Variants in PAK2 observed in about 807,000 individuals in gnomAD.
PAK2 encodes serine/threonine-protein kinase PAK 2.
In PAK2, 21 loss-of-function variants were observed where a neutral mutation model predicts 65.9. That is an observed-to-expected ratio of 0.32 (90% CI 0.23 to 0.46). The LOEUF (loss-of-function observed/expected upper bound fraction) is 0.46, where lower values mean the gene tolerates loss of function less well. Ranked by LOEUF, PAK2 falls within the 20% of genes least tolerant of loss-of-function variation. PAK2 has a pLI of 1.00. For missense variants in PAK2, 324 were observed against 642.6 expected (o/e 0.50, Z 5.36); for synonymous variants, 204 against 219.7 (o/e 0.93, Z 0.63).
intron 1 of PAK2, 134 bp from the exon 2 acceptor site, chr3:196,782,492 C>G: frequency 3.6e-6 from 2 of 555,698 alleles, no homozygotes; most frequent in Non-Finnish European, 6.5e-6. Context: ...ATTGATTTTT[C>G]CAGATTTTGC....
intron 1 of PAK2, among the ~76,000 whole-genome samples, chr3:196,746,170 C>A (rs572646086): frequency 1.3e-5 from 2 of 151,696 alleles, no homozygotes; most frequent in Non-Finnish European, 2.9e-5. Context: ...AGTTCCAAGA[C>A]TTGGTTAAAC....
chr3:196,819,609 C>T (rs1376603407), intron 12 of PAK2, among the ~76,000 whole-genome samples: 1 of 152,064 alleles, frequency 6.6e-6, no homozygotes. Context: ...CAGTCTAAAG[C>T]TTACAAACCT....
At chr3:196,774,176 A>G (rs1005780924) in intron 1 of PAK2, among the ~76,000 whole-genome samples, 8 of 152,260 alleles carry the variant, frequency 5.3e-5, no homozygotes, top group African/African-American at 1.9e-4. Context: ...AAGGGTTTAT[A>G]GTTGTAATTC....
intron 5 of PAK2, among the ~76,000 whole-genome samples, chr3:196,805,933 T>C (rs1434292005): frequency 6.6e-6 from 1 of 151,398 alleles, no homozygotes; most frequent in African/African-American, 2.4e-5. Flanking sequence ...TTTTTTTGAG[T>C]TAGAGTCTCG....
rs1711995520 is a variant in PAK2, at chr3:196,829,528, C to T, written c.*1123C>T. On this transcript the variant is annotated 3_prime_UTR_variant, in exon 15 of 15. Transcript: ENST00000327134. ...AGCAGAGGCAGTAAGAGATGTGAAC[C>T]TTGGTGAGCTCTGATACAGTGAGAA... 1 of 152,062 alleles carries T rather than the reference C, an allele frequency of 6.6e-6. No individual in the cohort carries two copies. Among genetic ancestry groups the T allele is most frequent in the Admixed American group, 6.6e-5 (1 of 15,246 alleles). 9.4% of individuals were successfully genotyped at this position (152,062 alleles called of 1,614,324 possible).
intron 4 of PAK2, among the ~76,000 whole-genome samples, chr3:196,804,807 A>T (rs78941674): frequency 0.042 from 527 of 12,510 alleles, 1 homozygote; most frequent in African/African-American, 0.15. Flanking sequence ...TGTGTGTGTG[A>T]TATATATATA....
intron 1 of PAK2, among the ~76,000 whole-genome samples, chr3:196,761,408 A>C (rs1387314387): frequency 7.0e-5 from 5 of 71,126 alleles, no homozygotes; most frequent in East Asian, 6.0e-4. Context: ...CACATCTTGC[A>C]CCGCCCTTAA....
At position 196,812,786 on chromosome 3, in the gene PAK2, G is replaced by A. The variant is rs1279756957; in HGVS notation, c.870G>A (p.Leu290=). ...INLQKQPKKE[L]IINEILVMKE... Reference sequence around the variant, plus strand: ...TACAGAAACAGCCAAAGAAGGAACTGATCATTAACGAGATTCTGGTGATGA... The same window carrying A: ...TACAGAAACAGCCAAAGAAGGAACTAATCATTAACGAGATTCTGGTGATGA... The change falls in exon 10 of 15, where the codon CTG becomes CTA. Residue 290 remains leucine, a synonymous_variant. Coordinates refer to ENST00000327134, the MANE Select transcript of PAK2 (RefSeq NM_002577.4). 1.9e-6 allele frequency: 3 copies of A among 1,579,882 alleles called. No individual in the cohort carries two copies. The African/African-American group carries it at 4.0e-5, about 21-fold the overall frequency.
intron 1 of PAK2, among the ~76,000 whole-genome samples, chr3:196,773,190 A>G (rs1187857551): frequency 2.0e-5 from 3 of 152,182 alleles, no homozygotes; most frequent in African/African-American, 7.2e-5. Flanking sequence ...TGTTTCGCCT[A>G]CTTGTTTTTC....
At chr3:196,801,346 T>A (rs1715416729) in intron 2 of PAK2, among the ~76,000 whole-genome samples, 11 of 152,170 alleles carry the variant, frequency 7.2e-5, no homozygotes, top group Non-Finnish European at 1.6e-4. Context: ...TGTGCTCTGT[T>A]ACTCAGGCCT....
At chr3:196,783,224 T>G (rs991410176) in intron 2 of PAK2, among the ~76,000 whole-genome samples, 2 of 152,160 alleles carry the variant, frequency 1.3e-5, no homozygotes, top group Admixed American at 1.3e-4. Context: ...GATTCTTGAG[T>G]AGTAAATACT....
chr3:196,746,873 C>G (rs996168699), intron 1 of PAK2, among the ~76,000 whole-genome samples: 1 of 149,880 alleles, frequency 6.7e-6, no homozygotes, highest in Non-Finnish European at 1.5e-5. Context: ...CTTCTATAAC[C>G]TATTCAGGAA....
chr3:196,763,764 C>T (rs1430224336), intron 1 of PAK2, among the ~76,000 whole-genome samples: 2 of 152,120 alleles, frequency 1.3e-5, no homozygotes, highest in South Asian at 4.1e-4. Flanking sequence ...AGGAAAGGCA[C>T]TCAGATCACT....
chr3:196,770,158 G>A (rs1714316535), intron 1 of PAK2, among the ~76,000 whole-genome samples: 1 of 152,018 alleles, frequency 6.6e-6, no homozygotes, highest in South Asian at 2.1e-4. Flanking sequence ...TTAGGAGGCT[G>A]AGGTGGGAGG....
chr3:196,752,758 G>T (rs754916588), intron 1 of PAK2, among the ~76,000 whole-genome samples: 16 of 151,834 alleles, frequency 1.1e-4, no homozygotes, highest in Non-Finnish European at 1.9e-4. Context: ...GTACCACCAC[G>T]CCTGGCTAAT....
chr3:196,755,255 T>C (rs1301487280), intron 1 of PAK2, among the ~76,000 whole-genome samples: 1 of 152,164 alleles, frequency 6.6e-6, no homozygotes, highest in Non-Finnish European at 1.5e-5. Context: ...TTACCTCAGA[T>C]TGATAGATTT....
At chr3:196,787,597 AGAATT>A (rs1407767761) in intron 2 of PAK2, among the ~76,000 whole-genome samples, 1 of 147,172 alleles carries the variant, frequency 6.8e-6, no homozygotes, top group East Asian at 1.9e-4. Flanking sequence ...AAAAAAAAAA[AGAATT>A]GTATAGACTT....
At chr3:196,741,005 G>A (rs1169832510) in intron 1 of PAK2, among the ~76,000 whole-genome samples, 1 of 152,220 alleles carries the variant, frequency 6.6e-6, no homozygotes, top group African/African-American at 2.4e-5. Context: ...TCCCTGGGCA[G>A]TGTGAGCGTG....
intron 1 of PAK2, among the ~76,000 whole-genome samples, chr3:196,781,081 C>A (rs758734293): frequency 1.3e-5 from 2 of 152,158 alleles, no homozygotes; most frequent in Non-Finnish European, 2.9e-5. Context: ...AGCCATCGTG[C>A]CCAGCTAATC....
Sources: gnomAD v4.1 joint callset for allele counts (sites outside exome capture counted in the v4.1 genomes callset) on GRCh38, gnomAD v4.1.1 for gene constraint, MANE v1.5 for transcripts, NCBI Gene and HGNC (gene_info 2026-07-23, HGNC 2026-07-21) for gene names.